Variants in CD8B2 observed in about 807,000 individuals in gnomAD.
CD8B2 encodes the protein CD8B family member 2.
A neutral mutation model predicts 23.7 loss-of-function variants in CD8B2; 11 were observed. The ratio of observed to expected loss-of-function variants is 0.46; its 90% CI spans 0.29 to 0.77. The LOEUF (loss-of-function observed/expected upper bound fraction) is 0.77, where lower values mean the gene tolerates loss of function less well. CD8B2 is among the 30% of genes least tolerant of loss of function. The pLI, the probability that CD8B2 is intolerant of heterozygous loss-of-function variation, is 0.09. For synonymous variants in CD8B2, 90 were observed against 109.3 expected (o/e 0.82, Z 1.10); for missense variants, 197 against 270.5 (o/e 0.73, Z 1.91).
At position 106,491,165 on chromosome 2, in the gene CD8B2, G is replaced by C. The variant is rs1360187366; in HGVS notation, c.335G>C (p.Gly112Ala). The change falls in exon 2 of 6, where the codon GGC becomes GCC. Residue 112 changes from glycine (G) to alanine (A), a missense_variant. Transcript: ENST00000643224. ...ACAAGCGTGAAGCCGGAGGACAGTGGCATCTACTTCTGCATGATCGTCGGG... is the reference window on the plus strand; with the variant it reads ...ACAAGCGTGAAGCCGGAGGACAGTGCCATCTACTTCTGCATGATCGTCGGG... Reference protein sequence around the residue: ...NLTSVKPEDSGIYFCMIVGSP... With the variant: ...NLTSVKPEDSAIYFCMIVGSP... 5.0e-6 allele frequency: 8 copies of C among 1,613,840 alleles called. No homozygotes were observed. Among genetic ancestry groups the C allele is most frequent in the Non-Finnish European group, 6.8e-6 (8 of 1,179,832 alleles).
chr2:106,531,024 T>C (rs1051073921), intron 5 of CD8B2, among the ~76,000 whole-genome samples: 9 of 152,242 alleles, frequency 5.9e-5, no homozygotes, highest in African/African-American at 2.2e-4. Flanking sequence ...GCACTGTCTA[T>C]GGAGTAACCA....
At chr2:106,495,755 A>G (rs1000477837) in intron 2 of CD8B2, among the ~76,000 whole-genome samples, 2 of 152,122 alleles carry the variant, frequency 1.3e-5, no homozygotes, top group Non-Finnish European at 2.9e-5. Context: ...GGGAACAGTC[A>G]TAAGGACTTC....
chr2:106,543,387 G>A (rs1033081890), intron 5 of CD8B2, among the ~76,000 whole-genome samples: 10 of 151,998 alleles, frequency 6.6e-5, no homozygotes, highest in African/African-American at 1.5e-4. Context: ...AAAATTAGCC[G>A]GTCGTGGTGG....
chr2:106,515,046 T>C (rs1251093956), downstream of CD8B2, among the ~76,000 whole-genome samples: 1 of 152,168 alleles, frequency 6.6e-6, no homozygotes, highest in South Asian at 2.1e-4. Flanking sequence ...AGTCTGCCTC[T>C]CCCAGTCCAC....
chr2:106,512,552 C>T (rs1457061411), downstream of CD8B2, among the ~76,000 whole-genome samples: 1 of 152,048 alleles, frequency 6.6e-6, no homozygotes, highest in Non-Finnish European at 1.5e-5. Context: ...GCAGCTTTGA[C>T]CTCCCTGACT....
rs181138397 is a variant in CD8B2 at position 106,509,772 on chromosome 2, T to A, written c.*2832T>A. ...GCTACTACACTCTATAGGGCCATTA[T>A]GATGAAATATGCCCCCCAAACTCCA... On this transcript the variant is annotated 3_prime_UTR_variant, in exon 6 of 6. Transcript: ENST00000643224. The A allele has an allele frequency of 3.9e-5, 6 of 152,324 alleles. No homozygotes were observed. In the East Asian group the frequency reaches 1.2e-3, roughly 29 times the overall value. 9.4% of individuals were successfully genotyped at this position (152,324 alleles called of 1,614,324 possible).
downstream of CD8B2, among the ~76,000 whole-genome samples, chr2:106,514,214 T>C (rs983971656): frequency 2.0e-5 from 3 of 150,900 alleles, no homozygotes; most frequent in Admixed American, 2.0e-4. Context: ...TCTGTGTAAT[T>C]TCAGAGTGCG....
At chr2:106,521,752 A>G (rs7600246) in intron 5 of CD8B2, 149,753 of 152,384 alleles carry the variant, frequency 0.98, 73,649 homozygotes, top group East Asian at 1. Flanking sequence ...GTTATGGAAA[A>G]CCCTCCCCAT....
intron 2 of CD8B2, among the ~76,000 whole-genome samples, chr2:106,494,153 C>A (rs1464219784): frequency 6.8e-6 from 1 of 147,742 alleles, no homozygotes; most frequent in Non-Finnish European, 1.5e-5. Flanking sequence ...AACCCCCCAA[C>A]ACCTTTTTTT....
intron 5 of CD8B2, among the ~76,000 whole-genome samples, chr2:106,532,405 G>A (rs546699337): frequency 7.2e-5 from 11 of 152,186 alleles, no homozygotes; most frequent in East Asian, 5.8e-4. Context: ...AAAGGAGTCC[G>A]GATCCAGACC....
In CD8B2 at chr2:106,494,472, CT is replaced by C. The variant is rs11444117; in HGVS notation, c.404-1690del. ...CTTAATATTTCTTTTCTTTTCTTTT[CT>C]TTTTTTTTTTCTGTCCCCCTGACTC... On this transcript the variant is annotated intron_variant, in intron 2 of 5. Coordinates refer to ENST00000643224, the MANE Select transcript of CD8B2 (RefSeq NM_001349727.2). Among the ~76,000 whole-genome samples the C allele has an allele frequency of 3.1e-3, 466 of 148,158 alleles. 3 individuals are homozygous for C. The highest frequency in any genetic ancestry group is 0.011 in the African/African-American group (437 of 40,368).
intron 5 of CD8B2, among the ~76,000 whole-genome samples, chr2:106,536,293 A>G (rs1362913040): frequency 3.3e-5 from 5 of 152,028 alleles, no homozygotes; most frequent in Non-Finnish European, 7.4e-5. Context: ...TGGCCTCCCA[A>G]AGTGCTGGGA....
At chr2:106,526,578 T>A (rs72821875) in intron 5 of CD8B2, among the ~76,000 whole-genome samples, 33,671 of 152,236 alleles carry the variant, frequency 0.22, 4,760 homozygotes, top group Non-Finnish European at 0.31. Flanking sequence ...GTATACACGT[T>A]GTAGCACCTG....
chr2:106,501,750 G>A (rs1679412195), intron 3 of CD8B2, among the ~76,000 whole-genome samples: 1 of 152,140 alleles, frequency 6.6e-6, no homozygotes, highest in South Asian at 2.1e-4. Context: ...CATGGAAAGA[G>A]AAAGTTACTA....
In CD8B2 at chr2:106,509,761, T is replaced by C. The variant is rs1679586981; in HGVS notation, c.*2821T>C. On this transcript the variant is annotated 3_prime_UTR_variant, in exon 6 of 6. Transcript: ENST00000643224. Reference sequence around the variant, plus strand: ...GGAACTGAGCTGCTACTACACTCTATAGGGCCATTATGATGAAATATGCCC... The same window carrying C: ...GGAACTGAGCTGCTACTACACTCTACAGGGCCATTATGATGAAATATGCCC... 1 of 152,178 alleles carries C rather than the reference T, an allele frequency of 6.6e-6. No homozygotes were observed. The highest frequency in any genetic ancestry group is 1.5e-5 in the Non-Finnish European group (1 of 68,030). 9.4% of individuals were successfully genotyped at this position (152,178 alleles called of 1,614,324 possible). A position where few individuals can be genotyped will look rare whatever the true frequency, so the allele number is the denominator to read the frequency against.
chr2:106,511,896 G>C (rs887078365), downstream of CD8B2, among the ~76,000 whole-genome samples: 1 of 152,214 alleles, frequency 6.6e-6, no homozygotes, highest in African/African-American at 2.4e-5. Context: ...CACGACACGT[G>C]TGATTCCTGT....
intron 5 of CD8B2, among the ~76,000 whole-genome samples, chr2:106,505,690 C>T (rs1196385565): frequency 2.0e-5 from 3 of 152,296 alleles, no homozygotes; most frequent in Non-Finnish European, 4.4e-5. Flanking sequence ...TCGAGAGTGG[C>T]TTAAACATGC....
chr2:106,493,329 G>C (rs1276184536), intron 2 of CD8B2, among the ~76,000 whole-genome samples: 2 of 152,156 alleles, frequency 1.3e-5, no homozygotes, highest in Non-Finnish European at 1.5e-5. Context: ...CAGAGAGGGA[G>C]AGATTAAACT....
chr2:106,491,013 G>A lies in CD8B2; in HGVS notation c.183G>A (p.Pro61=), dbSNP rs1679184649. The part of the protein sequence containing the change: ...CIYWLRQRQA[P]SSDSHHEFLT... ...ACTGGCTGAGACAGCGCCAGGCCCC[G>A]AGCAGTGATAGTCACCACGAGTTCC... Residue 61 remains proline, a synonymous_variant, in exon 2 of 6, where the codon CCG becomes CCA. Transcript: ENST00000643224. 5.0e-6 allele frequency: 8 copies of A among 1,613,820 alleles called. No individual in the cohort carries two copies. Among genetic ancestry groups the A allele is most frequent in the African/African-American group, 1.3e-5 (1 of 74,912 alleles).
Sources: allele counts gnomAD v4.1 joint callset (sites outside exome capture counted in the v4.1 genomes callset), GRCh38; gene constraint gnomAD v4.1.1; transcripts MANE v1.5; gene names NCBI Gene and HGNC (gene_info 2026-07-23, HGNC 2026-07-21).